The following MALRD1 variants were observed in gnomAD, a reference collection of about 807,000 sequenced individuals.
MALRD1 encodes MAM and LDL receptor class A domain containing 1, also known as MAM and LDL-receptor class A domain-containing protein 1.
Under a neutral mutation model 242.1 loss-of-function variants are expected in MALRD1, and 247 were observed. The ratio of observed to expected loss-of-function variants is 1.02; its 90% CI spans 0.92 to 1.13. The LOEUF (loss-of-function observed/expected upper bound fraction) is 1.13, where lower values mean the gene tolerates loss of function less well. Among genes scored for constraint, MALRD1 ranks in the 50% most tolerant of loss-of-function variants. The pLI is 0.00. For missense variants in MALRD1, 2,989 were observed against 2,533.1 expected (o/e 1.18, Z -3.86); for synonymous variants, 995 against 866.6 (o/e 1.15, Z -2.60).
intron 5 of MALRD1, among the ~76,000 whole-genome samples, chr10:19,104,525 A>T (rs1358703038): frequency 2.0e-5 from 3 of 152,146 alleles, no homozygotes; most frequent in Non-Finnish European, 2.9e-5. Flanking sequence ...TATCAGATAT[A>T]AATTTTTATT....
At chr10:19,557,970 T>G (rs946270766) in intron 32 of MALRD1, among the ~76,000 whole-genome samples, 2 of 152,126 alleles carry the variant, frequency 1.3e-5, no homozygotes, top group Admixed American at 1.3e-4. Context: ...TATCATGTAC[T>G]TTTTTGTTAG....
intron 4 of MALRD1, among the ~76,000 whole-genome samples, chr10:19,100,755 A>G (rs927277615): frequency 1.3e-5 from 2 of 152,136 alleles, no homozygotes; most frequent in African/African-American, 4.8e-5. Flanking sequence ...TTTGTTATGT[A>G]AGTTTCTGAT....
In MALRD1 at chr10:19,568,529, C is replaced by G. The variant is rs190163892; in HGVS notation, c.5680+826C>G. Among the ~76,000 whole-genome samples the G allele has an allele frequency of 2.0e-4, 31 of 152,188 alleles. No homozygotes were observed. The East Asian group carries it at 5.8e-3, about 28-fold the overall frequency. On this transcript the variant is annotated intron_variant, in intron 33 of 39. Transcript: ENST00000454679. ...ACATCAACTTCTTTGAGTCTAATAA[C>G]CAGTGTGAGCCTGCTTCCTCAGGAA...
chr10:19,401,214 C>T lies in MALRD1; in HGVS notation c.4845+11605C>T, dbSNP rs1477102454. Among the ~76,000 whole-genome samples, 4 of 152,202 alleles carry T rather than the reference C, an allele frequency of 2.6e-5. No homozygotes were observed. The South Asian group carries it at 8.3e-4, about 32-fold the overall frequency. The stretch of plus-strand genomic sequence containing the variant: ...TCTACCCTCTACAGTCTATGTCATA[C>T]ATTTGCATATCTGATACTGTGATTC... On this transcript the variant is annotated intron_variant, in intron 28 of 39. Coordinates refer to ENST00000454679, the MANE Select transcript of MALRD1 (RefSeq NM_001142308.3).
Position 19,219,709 on chromosome 10 carries a change from C to A in MALRD1, c.2991+10029C>A, listed in dbSNP as rs79347123. ...AGAGTGTTGGGATTACAGGCATGAGCCACCATACTCAGCCAATATTTCTTT... is the reference window on the plus strand; with the variant it reads ...AGAGTGTTGGGATTACAGGCATGAGACACCATACTCAGCCAATATTTCTTT... On this transcript the variant is annotated intron_variant, in intron 18 of 39. Coordinates refer to ENST00000454679, the MANE Select transcript of MALRD1 (RefSeq NM_001142308.3). Among the ~76,000 whole-genome samples the A allele has an allele frequency of 9.6e-3, 1,462 of 152,276 alleles. 28 individuals carry two copies. Among genetic ancestry groups the A allele is most frequent in the African/African-American group, 0.033 (1,379 of 41,552 alleles).
intron 1 of MALRD1, among the ~76,000 whole-genome samples, chr10:19,065,026 G>A (rs1205507634): frequency 2.0e-5 from 3 of 151,970 alleles, no homozygotes; most frequent in Non-Finnish European, 4.4e-5. Context: ...GGTTGCTCAT[G>A]CCTGTAATCC....
intron 29 of MALRD1, among the ~76,000 whole-genome samples, chr10:19,466,880 G>C (rs1564366886): frequency 6.6e-6 from 1 of 152,046 alleles, no homozygotes; most frequent in Non-Finnish European, 1.5e-5. Flanking sequence ...ACCAGGTGTG[G>C]AATTTTTCAC....
intron 30 of MALRD1, among the ~76,000 whole-genome samples, chr10:19,497,703 A>G (rs1038436959): frequency 2.6e-5 from 4 of 152,180 alleles, no homozygotes; most frequent in East Asian, 1.9e-4. Flanking sequence ...GTCAATGACA[A>G]TCTCAATTGA....
chr10:19,450,206 T>G (rs1415002743), intron 28 of MALRD1, 101 bp from the exon 29 acceptor site: 1 of 1,003,112 alleles, frequency 1.0e-6, no homozygotes, highest in Non-Finnish European at 1.4e-6. Flanking sequence ...CAGTTTTTAT[T>G]GGTCAAATGC....
In MALRD1 at chr10:19,104,061, G is replaced by A. The variant is rs1403847700; in HGVS notation, c.680G>A (p.Cys227Tyr). The change falls in exon 5 of 40, where the codon TGC becomes TAC. Residue 227 changes from cysteine to tyrosine, a missense_variant. Coordinates refer to ENST00000454679, the MANE Select transcript of MALRD1 (RefSeq NM_001142308.3). ...AIDDISFSSG[C>Y]LPANDGILLC... ...GATGATATATCTTTCAGTTCAGGCT[G>A]CTTGCCTGCCAATGGTAAGAACTTT... 3 of 1,232,144 alleles carry A rather than the reference G, an allele frequency of 2.4e-6. No homozygotes were observed. The African/African-American group carries it at 4.7e-5, about 19-fold the overall frequency. 76.3% of individuals were successfully genotyped at this position (1,232,144 alleles called of 1,614,324 possible).
chr10:19,475,810 T>C (rs10827490), intron 29 of MALRD1, among the ~76,000 whole-genome samples: 48,209 of 152,122 alleles, frequency 0.32, 8,233 homozygotes, highest in East Asian at 0.44. Flanking sequence ...GAAAGGCTAA[T>C]TAAAAGGTCT....
chr10:19,521,111 G>A (rs1399626464), intron 31 of MALRD1, among the ~76,000 whole-genome samples: 1 of 152,038 alleles, frequency 6.6e-6, no homozygotes, highest in African/African-American at 2.4e-5. Context: ...ATCTTGGAGG[G>A]CATGATTAGA....
intron 5 of MALRD1, among the ~76,000 whole-genome samples, chr10:19,110,985 C>T (rs1304521219): frequency 2.0e-5 from 3 of 152,144 alleles, no homozygotes; most frequent in African/African-American, 7.2e-5. Flanking sequence ...AATTTACAAA[C>T]ACACATGCTT....
At chr10:19,575,023 G>A (rs977774541) in intron 33 of MALRD1, among the ~76,000 whole-genome samples, 1 of 152,222 alleles carries the variant, frequency 6.6e-6, no homozygotes, top group Admixed American at 6.5e-5. Flanking sequence ...TAGGAATGTA[G>A]TAGTGTCTAC....
At chr10:19,215,380 G>C (rs1436520379) in intron 18 of MALRD1, among the ~76,000 whole-genome samples, 35 of 152,326 alleles carry the variant, frequency 2.3e-4, no homozygotes, top group Admixed American at 2.3e-3. Flanking sequence ...TTGATTATCA[G>C]TCCTCTTCAA....
intron 1 of MALRD1, among the ~76,000 whole-genome samples, chr10:19,049,775 C>A (rs1363608642): frequency 6.6e-6 from 1 of 152,172 alleles, no homozygotes; most frequent in African/African-American, 2.4e-5. Context: ...AAGCAACTCT[C>A]ACAGGTGGGA....
chr10:19,472,051 T>C (rs923565718), intron 29 of MALRD1, among the ~76,000 whole-genome samples: 6 of 151,954 alleles, frequency 3.9e-5, no homozygotes, highest in Non-Finnish European at 8.8e-5. Flanking sequence ...CTTTCACATA[T>C]GGCTTTTATT....
chr10:19,115,799 C>A (rs2131364427), intron 5 of MALRD1, among the ~76,000 whole-genome samples: 1 of 152,092 alleles, frequency 6.6e-6, no homozygotes, highest in South Asian at 2.1e-4. Context: ...TCGCTTGAAC[C>A]CAGGAGGCAG....
At chr10:19,589,973 C>A (rs980811290) in intron 33 of MALRD1, among the ~76,000 whole-genome samples, 1 of 152,146 alleles carries the variant, frequency 6.6e-6, no homozygotes, top group Non-Finnish European at 1.5e-5. Context: ...ACTGTCAGGA[C>A]CGACCTTATA....
Sources: allele counts gnomAD v4.1 joint callset (sites outside exome capture counted in the v4.1 genomes callset), GRCh38; gene constraint gnomAD v4.1.1; transcripts MANE v1.5; gene names NCBI Gene and HGNC (gene_info 2026-07-23, HGNC 2026-07-21).